The following CTNNA2 variants were observed in gnomAD, a reference collection of about 807,000 sequenced individuals.
The protein encoded by CTNNA2 is catenin alpha 2.
A neutral mutation model predicts 101.0 loss-of-function variants in CTNNA2; 42 were observed. The observed-to-expected ratio is 0.42, with a 90% CI of 0.32 to 0.54. The LOEUF is 0.54. CTNNA2 is among the 20% of genes least tolerant of loss of function. The pLI, the probability that CTNNA2 is intolerant of heterozygous loss-of-function variation, is 0.14. For synonymous variants in CTNNA2, 450 were observed against 456.4 expected (o/e 0.99, Z 0.18); for missense variants, 871 against 1,223.1 (o/e 0.71, Z 4.29).
intron 3 of CTNNA2, among the ~76,000 whole-genome samples, chr2:79,760,118 A>G (rs1402362346): frequency 6.6e-6 from 1 of 152,234 alleles, no homozygotes; most frequent in Non-Finnish European, 1.5e-5. Flanking sequence ...CATAGGCCTC[A>G]GTTCCATCAC....
chr2:80,032,502 A>T (rs1574589771), intron 7 of CTNNA2, among the ~76,000 whole-genome samples: 1 of 152,186 alleles, frequency 6.6e-6, no homozygotes, highest in Admixed American at 6.5e-5. Context: ...ATTTGGCAAA[A>T]TTAAATAATT....
intron 8 of CTNNA2, among the ~76,000 whole-genome samples, chr2:80,399,054 A>G (rs1430465244): frequency 1.4e-5 from 2 of 146,550 alleles, no homozygotes; most frequent in Non-Finnish European, 3.0e-5. Context: ...GATTACAAGC[A>G]TGTGCCACCA....
intron 3 of CTNNA2, among the ~76,000 whole-genome samples, chr2:79,327,892 CTG>C (rs1444139329): frequency 2.6e-5 from 4 of 152,112 alleles, no homozygotes; most frequent in Non-Finnish European, 5.9e-5. Context: ...TGGAAAGACT[CTG>C]TGAAATCAGA....
rs150675503 is a variant in CTNNA2, at chr2:80,574,017, T to C, written c.1742-146T>C. 1.0e-3 allele frequency: 703 copies of C among 701,762 alleles called. 4 individuals are homozygous for C. Among genetic ancestry groups the C allele is most frequent in the African/African-American group, 7.2e-3 (407 of 56,676 alleles). 43.5% of individuals were successfully genotyped at this position (701,762 alleles called of 1,614,324 possible). ...GGTAACTGTCATAAAGACTACTAAA[T>C]TGGGCTCACTTCAAACTGGACAGAT... On this transcript the variant is annotated intron_variant, in intron 12 of 18. Transcript: ENST00000402739.
chr2:80,320,499 T>C (rs544579431), intron 7 of CTNNA2, among the ~76,000 whole-genome samples: 3 of 152,312 alleles, frequency 2.0e-5, no homozygotes, highest in Non-Finnish European at 2.9e-5. Flanking sequence ...CATAGAGTAA[T>C]TGGGTGAGGA....
rs538256716 is a variant in CTNNA2, at chr2:80,484,324, T to C, written c.1291-60658T>C. Among the ~76,000 whole-genome samples, 20 of 152,276 alleles carry C rather than the reference T, an allele frequency of 1.3e-4. No individual in the cohort carries two copies. In the South Asian group the frequency reaches 4.1e-3, roughly 32 times the overall value. On this transcript the variant is annotated intron_variant, in intron 9 of 18. Coordinates refer to ENST00000402739, the MANE Select transcript of CTNNA2 (RefSeq NM_001282597.3). ...CACAAAGAGCAGTTAAAGAGGTATA[T>C]GTGGGCATGTACCCGATACATAGTG...
At chr2:79,992,589 A>C (rs970658969) in intron 7 of CTNNA2, among the ~76,000 whole-genome samples, 2 of 152,214 alleles carry the variant, frequency 1.3e-5, no homozygotes, top group Non-Finnish European at 2.9e-5. Context: ...GATCTGGGGA[A>C]GGATTGAGGC....
chr2:79,952,114 C>A (rs961691057), intron 7 of CTNNA2, among the ~76,000 whole-genome samples: 1 of 152,200 alleles, frequency 6.6e-6, no homozygotes, highest in Non-Finnish European at 1.5e-5. Context: ...AGGATCCCCA[C>A]CCAACCCTAG....
At chr2:80,403,037 G>A (rs887417621) in intron 8 of CTNNA2, among the ~76,000 whole-genome samples, 8 of 151,986 alleles carry the variant, frequency 5.3e-5, no homozygotes, top group African/African-American at 1.9e-4. Flanking sequence ...ATAATATTGT[G>A]TGCAACACTT....
chr2:79,830,425 A>C (rs1336158925), intron 3 of CTNNA2, among the ~76,000 whole-genome samples: 1 of 152,182 alleles, frequency 6.6e-6, no homozygotes, highest in South Asian at 2.1e-4. Context: ...GTGCTAGGGA[A>C]TCATAGGCCA....
intron 7 of CTNNA2, among the ~76,000 whole-genome samples, chr2:80,045,129 G>A (rs1170541174): frequency 6.6e-6 from 1 of 152,168 alleles, no homozygotes; most frequent in Non-Finnish European, 1.5e-5. Flanking sequence ...TCCCTAGAAT[G>A]TCCCAAGGGG....
intron 9 of CTNNA2, among the ~76,000 whole-genome samples, chr2:80,534,176 T>C (rs558004999): frequency 1.7e-4 from 26 of 152,252 alleles, no homozygotes; most frequent in African/African-American, 3.4e-4. Context: ...AGAGCTGCTC[T>C]TCATCCCAGA....
chr2:79,949,908 T>C (rs1279364873), intron 7 of CTNNA2, among the ~76,000 whole-genome samples: 2 of 152,242 alleles, frequency 1.3e-5, no homozygotes, highest in African/African-American at 4.8e-5. Context: ...ATATCTTTAA[T>C]ATATTAACTG....
intron 11 of CTNNA2, among the ~76,000 whole-genome samples, chr2:80,551,318 A>G (rs1647635636): frequency 6.6e-6 from 1 of 152,216 alleles, no homozygotes; most frequent in Non-Finnish European, 1.5e-5. Context: ...TGGGATTTTC[A>G]AAGTGGTAAA....
At chr2:79,909,956 T>C (rs1685674340) in intron 7 of CTNNA2, among the ~76,000 whole-genome samples, 159 bp downstream of exon 7, 1 of 152,066 alleles carries the variant, frequency 6.6e-6, no homozygotes, top group Non-Finnish European at 1.5e-5. Flanking sequence ...GCGCGTGTCG[T>C]GTGTGTTGTT....
At chr2:80,218,845 A>G (rs1708416510) in intron 7 of CTNNA2, among the ~76,000 whole-genome samples, 1 of 152,218 alleles carries the variant, frequency 6.6e-6, no homozygotes, top group South Asian at 2.1e-4. Flanking sequence ...TTGGTGCTAC[A>G]ATTTATTTAA....
At chr2:80,095,160 T>G (rs1700064488) in intron 7 of CTNNA2, among the ~76,000 whole-genome samples, 1 of 152,230 alleles carries the variant, frequency 6.6e-6, no homozygotes, top group Non-Finnish European at 1.5e-5. Flanking sequence ...TAGCTCTTAT[T>G]ATTTTGAGAT....
chr2:79,937,489 C>T (rs903705754), intron 7 of CTNNA2, among the ~76,000 whole-genome samples: 12 of 152,182 alleles, frequency 7.9e-5, no homozygotes, highest in African/African-American at 1.4e-4. Context: ...CTGCACATAC[C>T]CCTCATTATT....
chr2:79,696,151 C>G (rs144637666), intron 2 of CTNNA2, among the ~76,000 whole-genome samples: 3,286 of 151,982 alleles, frequency 0.022, 40 homozygotes, highest in Non-Finnish European at 0.033. Flanking sequence ...AAAACCGAAG[C>G]CAAAAAGCAA....
Sources: gnomAD v4.1 joint callset for allele counts (sites outside exome capture counted in the v4.1 genomes callset) on GRCh38, gnomAD v4.1.1 for gene constraint, MANE v1.5 for transcripts, NCBI Gene and HGNC (gene_info 2026-07-23, HGNC 2026-07-21) for gene names.